The following COA1 variants were observed in gnomAD, a reference collection of about 807,000 sequenced individuals.
COA1 encodes the protein cytochrome c oxidase assembly factor 1 homolog.
A neutral mutation model predicts 16.0 loss-of-function variants in COA1; 13 were observed. The ratio of observed to expected loss-of-function variants is 0.81; its 90% CI spans 0.53 to 1.29. The LOEUF (loss-of-function observed/expected upper bound fraction) is 1.29. Among genes scored for constraint, COA1 ranks in the 50% most tolerant of loss-of-function variants. The pLI, the probability that COA1 is intolerant of heterozygous loss-of-function variation, is 0.00. For missense variants in COA1, 179 were observed against 177.0 expected, an observed-to-expected ratio of 1.01 and a Z score of -0.06; for synonymous variants, 65 against 65.7, an observed-to-expected ratio of 0.99 and a Z score of 0.05.
intron 1 of COA1, among the ~76,000 whole-genome samples, chr7:43,671,606 CT>C (rs1312725157): frequency 1.3e-5 from 2 of 152,214 alleles, no homozygotes; most frequent in African/African-American, 2.4e-5. Flanking sequence ...ACACTCCATG[CT>C]CATGGCTGCA....
chr7:43,681,405 A>C (rs752101451), intron 1 of COA1, among the ~76,000 whole-genome samples: 3 of 152,226 alleles, frequency 2.0e-5, no homozygotes, highest in Non-Finnish European at 4.4e-5. Context: ...AAAATCTGAC[A>C]CTTCTCACAA....
chr7:43,620,136 G>T (rs1364220030), intron 6 of COA1, among the ~76,000 whole-genome samples: 2 of 152,168 alleles, frequency 1.3e-5, no homozygotes, highest in African/African-American at 4.8e-5. Context: ...AGGGCATTTG[G>T]TTGGATCCAT....
chr7:43,643,323 G>C (rs767092044), intron 4 of COA1, among the ~76,000 whole-genome samples: 1 of 152,212 alleles, frequency 6.6e-6, no homozygotes, highest in Non-Finnish European at 1.5e-5. Flanking sequence ...ATTCCTCAGT[G>C]CTACAGCTGG....
intron 1 of COA1, among the ~76,000 whole-genome samples, chr7:43,716,236 C>T (rs2095391863): frequency 6.6e-6 from 1 of 152,040 alleles, no homozygotes. Flanking sequence ...GTTTGGAGGG[C>T]TCAAAAGAAG....
downstream of COA1, chr7:43,639,051 T>C (rs2086431896): frequency 6.6e-6 from 1 of 152,270 alleles, no homozygotes; most frequent in Non-Finnish European, 1.5e-5. Context: ...GCAAACAAAA[T>C]ATTCCAAAGT....
intron 1 of COA1, among the ~76,000 whole-genome samples, chr7:43,700,562 A>G (rs1464967889): frequency 1.4e-5 from 2 of 146,516 alleles, no homozygotes; most frequent in Admixed American, 7.1e-5. Flanking sequence ...ACACGTATAT[A>G]TATGTACACA....
In COA1 at chr7:43,665,036, ACT is replaced by A. The variant is rs552753279; in HGVS notation, c.-38-16386_-38-16385del. Reference sequence around the variant, plus strand: ...TTGCTCATTTCAAAATTATTTTGAAACTCTGTCTCAAAATAAAAAAGAAATAT... The same window carrying A: ...TTGCTCATTTCAAAATTATTTTGAAACTGTCTCAAAATAAAAAAGAAATAT... On this transcript the variant is annotated intron_variant, in intron 1 of 5. Coordinates refer to ENST00000223336, the MANE Select transcript of COA1 (RefSeq NM_018224.4). 6.6e-5 allele frequency among the ~76,000 whole-genome samples: 10 copies of A among 152,010 alleles called. No individual in the cohort carries two copies. In the South Asian group the frequency reaches 2.1e-3, roughly 32 times the overall value.
chr7:43,657,875 T>C (rs1261695614), intron 1 of COA1, among the ~76,000 whole-genome samples: 1 of 152,098 alleles, frequency 6.6e-6, no homozygotes, highest in African/African-American at 2.4e-5. Context: ...TCACCAAAGA[T>C]ACAGAGAAGG....
Position 43,613,482 on chromosome 7 carries a change from C to A in COA1, c.*134-3987G>T, listed in dbSNP as rs185876784. Among the ~76,000 whole-genome samples the A allele has an allele frequency of 2.6e-5, 4 of 152,288 alleles. No individual in the cohort carries two copies. In the East Asian group the frequency reaches 7.7e-4, roughly 29 times the overall value. On this transcript the variant is annotated intron_variant and NMD_transcript_variant, in intron 6 of 6. Coordinates refer to the COA1 transcript ENST00000415076. ...GTCCCTGAACCAATCCCCACTGATA[C>A]CATGGGACAACTATACTAGGATTCT...
chr7:43,657,333 C>G (rs1264782763), intron 1 of COA1: 2 of 152,204 alleles, frequency 1.3e-5, no homozygotes, highest in Non-Finnish European at 2.9e-5. Context: ...TTCATCTGAA[C>G]CATAGTGGAA....
At chr7:43,679,573 A>ATCTAGTTTTTTC (rs1294572966) in intron 1 of COA1, among the ~76,000 whole-genome samples, 4 of 152,208 alleles carry the variant, frequency 2.6e-5, no homozygotes, top group Admixed American at 6.5e-5. Flanking sequence ...ATGGTCTAAC[A>ATCTAGTTTTTTC]TCACACTGCT....
chr7:43,658,312 T>C (rs910932069), intron 1 of COA1, among the ~76,000 whole-genome samples: 3 of 151,918 alleles, frequency 2.0e-5, no homozygotes, highest in Non-Finnish European at 2.9e-5. Context: ...TGAGCCGAGA[T>C]TGCGCCACTG....
chr7:43,647,525 G>C lies in COA1; in HGVS notation c.115+10C>G. 6.3e-7 allele frequency: 1 copy of C among 1,597,352 alleles called. No individual in the cohort carries two copies. The highest frequency in any genetic ancestry group is 8.6e-7 in the Non-Finnish European group (1 of 1,164,614). Reference sequence around the variant, plus strand: ...GAGGTCAGGCCGCAGGCGGCTAGCAGGATACTTACTTTGAATGAGGTAATA... The same window carrying C: ...GAGGTCAGGCCGCAGGCGGCTAGCACGATACTTACTTTGAATGAGGTAATA... On this transcript the variant is annotated intron_variant, in intron 3 of 5. Transcript: ENST00000223336.
chr7:43,697,950 T>C (rs1418221673), intron 1 of COA1, among the ~76,000 whole-genome samples: 2 of 152,226 alleles, frequency 1.3e-5, no homozygotes, highest in Admixed American at 6.5e-5. Flanking sequence ...TAAAGGTAGA[T>C]AGCAGCTCTT....
chr7:43,647,880 C>A (rs1204447708), intron 2 of COA1: 3 of 508,968 alleles, frequency 5.9e-6, no homozygotes, highest in Non-Finnish European at 7.0e-6. Context: ...CCCTGCCACC[C>A]CCAGCCAGCC....
intron 1 of COA1, among the ~76,000 whole-genome samples, chr7:43,700,530 A>ATATATATATATATATATACATACACG (rs1491536166): frequency 2.2e-3 from 217 of 99,446 alleles, no homozygotes; most frequent in Non-Finnish European, 4.0e-3. Context: ...ATGTAGGCAG[A>ATATATATATATATATATACATACACG]TATATATATA....
At chr7:43,716,787 A>T (rs1360262276) in intron 1 of COA1, among the ~76,000 whole-genome samples, 1 of 152,098 alleles carries the variant, frequency 6.6e-6, no homozygotes, top group Non-Finnish European at 1.5e-5. Context: ...CAGGAGGAAA[A>T]AGTGGTTTTG....
intron 3 of COA1, chr7:43,646,052 C>T (rs1040612861): frequency 6.5e-6 from 1 of 153,954 alleles, no homozygotes; most frequent in Admixed American, 6.4e-5. Flanking sequence ...GCTGTAAGTT[C>T]TAATAATCAG....
downstream of COA1, among the ~76,000 whole-genome samples, chr7:43,638,565 CCTTTTTTTT>C (rs1168214060): frequency 3.0e-4 from 37 of 125,242 alleles, no homozygotes; most frequent in South Asian, 5.2e-4. Flanking sequence ...CTTTTTCTTT[CCTTTTTTTT>C]TTTTTTTTTT....
Sources: allele counts gnomAD v4.1 joint callset (sites outside exome capture counted in the v4.1 genomes callset), GRCh38; gene constraint gnomAD v4.1.1; transcripts MANE v1.5; gene names NCBI Gene and HGNC (gene_info 2026-07-23, HGNC 2026-07-21).